Variants in NTM observed in about 807,000 individuals in gnomAD.
NTM encodes IgLON family member 2.
NTM carries 13 observed loss-of-function variants against 42.1 expected under a neutral mutation model. The observed-to-expected ratio is 0.31, with a 90% confidence interval of 0.20 to 0.49. The LOEUF is 0.49. Among genes scored for constraint, NTM ranks in the 20% least tolerant of loss-of-function variants. The pLI is 0.99. For synonymous variants in NTM, 187 were observed against 179.2 expected (o/e 1.04, Z -0.35); for missense variants, 373 against 452.8 (o/e 0.82, Z 1.60).
intron 2 of NTM, among the ~76,000 whole-genome samples, chr11:132,128,824 G>T (rs940321686): frequency 6.6e-6 from 1 of 151,352 alleles, no homozygotes; most frequent in Non-Finnish European, 1.5e-5. Flanking sequence ...TGTAGTCCCC[G>T]CTACTCAGGA....
At chr11:131,708,184 C>G (rs1407257964) in intron 1 of NTM, among the ~76,000 whole-genome samples, 1 of 151,984 alleles carries the variant, frequency 6.6e-6, no homozygotes, top group Non-Finnish European at 1.5e-5. Context: ...AGCAATATAA[C>G]AAACCGTTAA....
intron 2 of NTM, among the ~76,000 whole-genome samples, chr11:131,993,736 C>T (rs991600698): frequency 7.2e-5 from 11 of 152,222 alleles, no homozygotes; most frequent in African/African-American, 2.4e-4. Flanking sequence ...AGCGGTGGCT[C>T]ATGCCTGTAA....
chr11:131,607,003 G>C (rs1156774492), intron 1 of NTM, among the ~76,000 whole-genome samples: 2 of 152,192 alleles, frequency 1.3e-5, no homozygotes, highest in Non-Finnish European at 2.9e-5. Flanking sequence ...GTGATCATCT[G>C]AATTAAAATC....
chr11:132,297,152 C>T (rs2094642978), intron 4 of NTM, among the ~76,000 whole-genome samples: 1 of 152,224 alleles, frequency 6.6e-6, no homozygotes, highest in South Asian at 2.1e-4. Flanking sequence ...ATTGAAAATA[C>T]ACAGATGGCA....
intron 2 of NTM, among the ~76,000 whole-genome samples, chr11:132,113,740 C>T (rs945811936): frequency 6.6e-6 from 1 of 152,184 alleles, no homozygotes; most frequent in African/African-American, 2.4e-5. Flanking sequence ...CCAAAGTCAC[C>T]TTAGCAGTCT....
intron 1 of NTM, among the ~76,000 whole-genome samples, chr11:131,481,495 A>G (rs1174866925): frequency 1.3e-5 from 2 of 152,240 alleles, no homozygotes; most frequent in Non-Finnish European, 2.9e-5. Context: ...AGATGTGGTT[A>G]ATGTCAGGGC....
At chr11:131,500,085 G>T (rs969425500) in intron 1 of NTM, among the ~76,000 whole-genome samples, 1 of 152,176 alleles carries the variant, frequency 6.6e-6, no homozygotes, top group Non-Finnish European at 1.5e-5. Flanking sequence ...TATGGACCTG[G>T]CCCTGTGGGC....
intron 2 of NTM, among the ~76,000 whole-genome samples, chr11:132,000,330 A>G (rs560420294): frequency 6.6e-6 from 1 of 152,174 alleles, no homozygotes; most frequent in East Asian, 1.9e-4. Flanking sequence ...AGATTTCCAT[A>G]TCATCAACTC....
At chr11:131,536,645 C>G (rs2052281199) in intron 1 of NTM, 2 of 152,208 alleles carry the variant, frequency 1.3e-5, no homozygotes, top group Admixed American at 1.3e-4. Context: ...ATCAATCTGA[C>G]ACTTTTGATT....
At chr11:131,858,524 A>G (rs900320902) in intron 1 of NTM, among the ~76,000 whole-genome samples, 15 of 152,210 alleles carry the variant, frequency 9.9e-5, no homozygotes, top group African/African-American at 3.6e-4. Context: ...AATTGTCACC[A>G]TTCGTAGAAC....
At chr11:131,817,015 C>G (rs556881455) in intron 1 of NTM, among the ~76,000 whole-genome samples, 1 of 152,298 alleles carries the variant, frequency 6.6e-6, no homozygotes, top group African/African-American at 2.4e-5. Context: ...GGCACAGCAT[C>G]TATTTACAAG....
At chr11:131,644,276 A>G (rs1212536668) in intron 1 of NTM, among the ~76,000 whole-genome samples, 2 of 152,220 alleles carry the variant, frequency 1.3e-5, no homozygotes, top group African/African-American at 4.8e-5. Flanking sequence ...TTACCTACTC[A>G]TGTGGAATAC....
intron 7 of NTM, chr11:132,314,914 G>C: frequency 7.5e-7 from 1 of 1,341,804 alleles, no homozygotes; most frequent in Admixed American, 3.5e-5. Flanking sequence ...AAGAACAAGA[G>C]ATACAGTTTA....
Position 132,066,200 on chromosome 11 carries a change from C to A in NTM, c.168-80082C>A, listed in dbSNP as rs537682611. On this transcript the variant is annotated intron_variant, in intron 2 of 8. Coordinates refer to ENST00000683400, the MANE Select transcript of NTM (RefSeq NM_001352005.2). ...TGTTCCTCCATTTGAACAGTGTCTT[C>A]TTCTCAGAATGTGCTGGTCATTTCT... 1.2e-4 allele frequency among the ~76,000 whole-genome samples: 19 copies of A among 152,364 alleles called. No individual in the cohort carries two copies. The South Asian group carries it at 3.7e-3, about 30-fold the overall frequency.
rs1271464276 is a variant in NTM at position 132,104,971 on chromosome 11, A to G, written c.168-41311A>G. Among the ~76,000 whole-genome samples, 296 of 119,378 alleles carry G rather than the reference A, an allele frequency of 2.5e-3. 25 individuals are homozygous for G. The highest frequency in any genetic ancestry group is 5.1e-3 in the African/African-American group (158 of 30,704). 78.3% of individuals were successfully genotyped at this position (119,378 alleles called of 152,430 possible). A position where few individuals can be genotyped will look rare whatever the true frequency, so the allele number is the denominator to read the frequency against. The stretch of plus-strand genomic sequence containing the variant: ...TATATATATATATATATATATATAT[A>G]TATATATATATATATATATATTTCA... On this transcript the variant is annotated intron_variant, in intron 2 of 8. Transcript: ENST00000683400.
Position 131,887,431 on chromosome 11 carries a change from TCTC to T in NTM, c.83-24130_83-24128del, listed in dbSNP as rs539215252. 4.2e-3 allele frequency among the ~76,000 whole-genome samples: 642 copies of T among 152,288 alleles called. 4 individuals are homozygous for T. The highest frequency in any genetic ancestry group is 5.0e-3 in the Non-Finnish European group (343 of 68,022). On this transcript the variant is annotated intron_variant, in intron 1 of 8. Transcript: ENST00000683400. The stretch of plus-strand genomic sequence containing the variant: ...CCTTGTGGGCTTCTTTCTGGCTTCT[TCTC>T]CTGCCATTCTTCAGGCACAAGTCAC...
At chr11:131,743,283 C>T (rs975404646) in intron 1 of NTM, among the ~76,000 whole-genome samples, 4 of 150,864 alleles carry the variant, frequency 2.7e-5, no homozygotes, top group African/African-American at 9.8e-5. Flanking sequence ...AAGATATGTC[C>T]ATTTCCAGTG....
chr11:131,402,824 C>T (rs1042724802), intron 1 of NTM, among the ~76,000 whole-genome samples: 1 of 152,182 alleles, frequency 6.6e-6, no homozygotes, highest in African/African-American at 2.4e-5. Flanking sequence ...CCTAGAGATG[C>T]TCCATAGGAA....
intron 3 of NTM, among the ~76,000 whole-genome samples, chr11:132,191,309 C>T (rs184977183): frequency 6.6e-6 from 1 of 152,272 alleles, no homozygotes; most frequent in East Asian, 1.9e-4. Context: ...GCACCTCGCT[C>T]CCACCTTCCA....
Sources: allele counts gnomAD v4.1 joint callset (sites outside exome capture counted in the v4.1 genomes callset), GRCh38; gene constraint gnomAD v4.1.1; transcripts MANE v1.5; gene names NCBI Gene and HGNC (gene_info 2026-07-23, HGNC 2026-07-21).